The following TRERF1 variants were observed in gnomAD, a reference collection of about 807,000 sequenced individuals.
TRERF1 encodes the protein transcriptional-regulating factor 1.
In TRERF1, 27 loss-of-function variants were observed where a neutral mutation model predicts 122.9. The ratio of observed to expected loss-of-function variants is 0.22; its 90% CI spans 0.16 to 0.30. TRERF1 has a LOEUF of 0.30. Ranked by LOEUF, TRERF1 falls within the 10% of genes least tolerant of loss-of-function variation. The pLI is 1.00. For missense variants in TRERF1, 1,248 were observed against 1,560.3 expected (o/e 0.80, Z 3.37); for synonymous variants, 636 against 641.7 (o/e 0.99, Z 0.13).
chr6:42,272,664 A>G (rs1780438939), intron 4 of TRERF1, among the ~76,000 whole-genome samples: 1 of 152,216 alleles, frequency 6.6e-6, no homozygotes, highest in South Asian at 2.1e-4. Context: ...CTCAGAAGAC[A>G]GTGAGCAGGG....
intron 2 of TRERF1, among the ~76,000 whole-genome samples, chr6:42,450,913 A>G (rs980485594): frequency 6.6e-6 from 1 of 152,202 alleles, no homozygotes; most frequent in African/African-American, 2.4e-5. Flanking sequence ...CTCAAATGCA[A>G]GCCCACCATC....
At chr6:42,273,417 G>A (rs75239738) in intron 4 of TRERF1, among the ~76,000 whole-genome samples, 4 of 152,012 alleles carry the variant, frequency 2.6e-5, no homozygotes, top group African/African-American at 9.7e-5. Flanking sequence ...AGAAAACAAT[G>A]ATCAAATATC....
chr6:42,228,172 T>C lies in TRERF1; in HGVS notation c.*173A>G. The C allele has an allele frequency of 1.7e-6, 1 of 597,492 alleles. No individual in the cohort carries two copies. The highest frequency in any genetic ancestry group is 2.7e-6 in the Non-Finnish European group (1 of 375,914). The allele number at this position is 597,492 out of a possible 1,614,324, so 37.0% of individuals were successfully genotyped here. On this transcript the variant is annotated 3_prime_UTR_variant, in exon 18 of 18. Transcript: ENST00000372922. This position sits in a 1 kb window ranked among gnomAD's most constrained non-coding sequence, Gnocchi z 4.2. ...CCCCCAACCCCCCACAAAAACAAATTTTTTTAAATAAAAGGAAAAGAAATA... is the reference window on the plus strand; with the variant it reads ...CCCCCAACCCCCCACAAAAACAAATCTTTTTAAATAAAAGGAAAAGAAATA...
In TRERF1 at chr6:42,263,591, G is replaced by C. The variant is rs1332375460; in HGVS notation, c.1636-23C>G. ...CTCCTACACAGACAATAAAGGCTTT[G>C]ATCCTGGGCTGAGAGCAGCTCTCAC... On this transcript the variant is annotated intron_variant, in intron 7 of 17. Transcript: ENST00000372922. This position sits in a 1 kb window ranked among gnomAD's most constrained non-coding sequence, Gnocchi z 5.6. 6 of 1,479,402 alleles carry C rather than the reference G, an allele frequency of 4.1e-6. No individual in the cohort carries two copies. The highest frequency in any genetic ancestry group is 5.4e-6 in the Non-Finnish European group (6 of 1,112,076). The allele number at this position is 1,479,402 out of a possible 1,614,324, so 91.6% of individuals were successfully genotyped here. A position where few individuals can be genotyped will look rare whatever the true frequency, so the allele number is the denominator to read the frequency against.
chr6:42,438,377 A>C (rs984949884), intron 2 of TRERF1, among the ~76,000 whole-genome samples: 1 of 151,086 alleles, frequency 6.6e-6, no homozygotes, highest in Non-Finnish European at 1.5e-5. Flanking sequence ...CGGGAGGCCA[A>C]GGCAGGTGGA....
intron 2 of TRERF1, among the ~76,000 whole-genome samples, chr6:42,425,615 C>G (rs554515547): frequency 5.3e-4 from 74 of 140,442 alleles, no homozygotes; most frequent in African/African-American, 1.9e-3. Context: ...GCGATCTCAG[C>G]TCACTGCAAC....
chr6:42,451,641 C>T (rs1489524041), intron 1 of TRERF1, among the ~76,000 whole-genome samples, 33 bp downstream of exon 1: 1 of 151,000 alleles, frequency 6.6e-6, no homozygotes, highest in South Asian at 2.1e-4. Context: ...CCCTCTCCTC[C>T]TCCCCATGCG....
intron 4 of TRERF1, among the ~76,000 whole-genome samples, chr6:42,282,121 T>C (rs1209558508): frequency 2.0e-5 from 3 of 152,188 alleles, no homozygotes; most frequent in African/African-American, 7.2e-5. Context: ...GAAAATGACA[T>C]GTAGACAAGT....
At chr6:42,235,478 C>T (rs1276405047) in intron 16 of TRERF1, among the ~76,000 whole-genome samples, 1 of 152,298 alleles carries the variant, frequency 6.6e-6, no homozygotes, top group South Asian at 2.1e-4. Context: ...GCACAGATAC[C>T]GTAAGGTCTT....
chr6:42,233,700 A>G (rs547166194), intron 16 of TRERF1, among the ~76,000 whole-genome samples: 4 of 152,236 alleles, frequency 2.6e-5, no homozygotes, highest in Admixed American at 2.0e-4. Flanking sequence ...AAAAAAACTC[A>G]GGCTCAAGTT....
intron 2 of TRERF1, among the ~76,000 whole-genome samples, chr6:42,404,136 C>T (rs1406577608): frequency 2.6e-5 from 4 of 152,112 alleles, no homozygotes; most frequent in African/African-American, 7.2e-5. Context: ...AGATGGTGCC[C>T]GACTCCAGCC....
At chr6:42,247,610 C>A (rs940658433) in intron 13 of TRERF1, among the ~76,000 whole-genome samples, 17 of 152,326 alleles carry the variant, frequency 1.1e-4, no homozygotes, top group African/African-American at 4.1e-4. Flanking sequence ...CACTGCTGGG[C>A]TGGTGCATCT....
At chr6:42,236,977 T>TA (rs1330240933) in intron 15 of TRERF1, among the ~76,000 whole-genome samples, 2 of 152,206 alleles carry the variant, frequency 1.3e-5, no homozygotes, top group African/African-American at 4.8e-5. Flanking sequence ...TGTCAGAAAA[T>TA]AGAGTGAAAG....
intron 3 of TRERF1, among the ~76,000 whole-genome samples, chr6:42,333,513 G>A (rs937113441): frequency 1.3e-5 from 2 of 152,204 alleles, no homozygotes; most frequent in African/African-American, 4.8e-5. Flanking sequence ...ACAAATCTGC[G>A]GTGGCCGCAT....
At chr6:42,265,929 C>T in intron 5 of TRERF1, 132 bp from the exon 6 acceptor site, 1 of 872,270 alleles carries the variant, frequency 1.1e-6, no homozygotes, top group Non-Finnish European at 1.8e-6. Flanking sequence ...CGTGCTGACC[C>T]CATTCATGTC....
chr6:42,232,524 C>G lies in TRERF1; in HGVS notation c.3278+157G>C, dbSNP rs1331526329. On this transcript the variant is annotated intron_variant, in intron 17 of 17. Coordinates refer to ENST00000372922, the Ensembl canonical transcript of TRERF1. This position sits in a 1 kb window ranked among gnomAD's most constrained non-coding sequence, Gnocchi z 4.5. ...GAATGGCCATATTCTGAGTCTGCAA[C>G]AGGACTACATACCCATCCCAAAGAT... 1.3e-5 allele frequency among the ~76,000 whole-genome samples: 2 copies of G among 152,208 alleles called. No individual in the cohort carries two copies. Among genetic ancestry groups the G allele is most frequent in the African/African-American group, 4.8e-5 (2 of 41,444 alleles).
intron 3 of TRERF1, among the ~76,000 whole-genome samples, chr6:42,348,817 A>G (rs985471930): frequency 6.6e-6 from 1 of 152,196 alleles, no homozygotes; most frequent in African/African-American, 2.4e-5. Flanking sequence ...GAACACTGCA[A>G]TGGTGCTAAA....
At chr6:42,318,691 A>T (rs1238192773) in intron 3 of TRERF1, among the ~76,000 whole-genome samples, 1 of 152,240 alleles carries the variant, frequency 6.6e-6, no homozygotes, top group Non-Finnish European at 1.5e-5. Flanking sequence ...ACATAGCCAC[A>T]CCCATTCATT....
intron 3 of TRERF1, among the ~76,000 whole-genome samples, chr6:42,358,014 C>T (rs1562055419): frequency 1.3e-5 from 2 of 152,088 alleles, no homozygotes; most frequent in Non-Finnish European, 2.9e-5. Flanking sequence ...TTACCGGCAA[C>T]ATTTCTCACA....
Sources: allele counts gnomAD v4.1 joint callset (sites outside exome capture counted in the v4.1 genomes callset), GRCh38; gene constraint gnomAD v4.1.1; non-coding constraint Gnocchi (gnomAD v3.1); transcripts MANE v1.5; gene names NCBI Gene and HGNC (gene_info 2026-07-23, HGNC 2026-07-21).